Variants in NCKAP5 observed in about 807,000 individuals in gnomAD.
NCKAP5 encodes the protein nck-associated protein 5.
In NCKAP5, 92 loss-of-function variants were observed where a neutral mutation model predicts 167.0. The observed-to-expected ratio is 0.55, with a 90% CI of 0.47 to 0.66. The LOEUF (loss-of-function observed/expected upper bound fraction) is 0.66, where lower values mean the gene tolerates loss of function less well. Among genes scored for constraint, NCKAP5 ranks in the 30% least tolerant of loss-of-function variants. The pLI is 0.00. For missense variants in NCKAP5, 2,378 were observed against 2,315.0 expected, an observed-to-expected ratio of 1.03 and a Z score of -0.56; for synonymous variants, 891 against 877.4, an observed-to-expected ratio of 1.02 and a Z score of -0.27.
chr2:133,543,075 C>T (rs974852009), intron 2 of NCKAP5, among the ~76,000 whole-genome samples: 2 of 152,168 alleles, frequency 1.3e-5, no homozygotes, highest in Admixed American at 6.5e-5. Flanking sequence ...GGAGGGGGGA[C>T]CTAGTGGGAG....
intron 4 of NCKAP5, among the ~76,000 whole-genome samples, chr2:133,273,819 T>TA (rs1030893024): frequency 1.3e-5 from 2 of 150,916 alleles, no homozygotes; most frequent in Non-Finnish European, 3.0e-5. Context: ...TGGGGGAAGA[T>TA]AAAAAAAATT....
At position 132,673,224 on chromosome 2, in the gene NCKAP5, TA is replaced by T. The variant is rs1683966922; in HGVS notation, c.*64del. ...TCTAATAAAATCACAGTATTGCTGTTAAATTTATTGAATGACTCTAGGGAAA... is the reference window on the plus strand; with the variant it reads ...TCTAATAAAATCACAGTATTGCTGTTAATTTATTGAATGACTCTAGGGAAA... On this transcript the variant is annotated 3_prime_UTR_variant, in exon 20 of 20. Transcript: ENST00000409261. The T allele has an allele frequency of 4.1e-6, 6 of 1,476,070 alleles. No individual in the cohort carries two copies. The highest frequency in any genetic ancestry group is 5.4e-6 in the Non-Finnish European group (6 of 1,116,882). The allele number at this position is 1,476,070 out of a possible 1,614,324, so 91.4% of individuals were successfully genotyped here. A position where few individuals can be genotyped will look rare whatever the true frequency, so the allele number is the denominator to read the frequency against.
At chr2:133,314,338 T>C (rs1681454723) in intron 3 of NCKAP5, among the ~76,000 whole-genome samples, 1 of 152,206 alleles carries the variant, frequency 6.6e-6, no homozygotes, top group South Asian at 2.1e-4. Context: ...CTGCTACTTA[T>C]GGCTCCCATC....
chr2:132,739,851 T>G (rs1041264087), intron 16 of NCKAP5, among the ~76,000 whole-genome samples: 1 of 152,182 alleles, frequency 6.6e-6, no homozygotes, highest in African/African-American at 2.4e-5. Context: ...GAGTCTGTGT[T>G]TTTGAGAAAT....
chr2:133,611,783 C>G, the NCKAP5 span, among the ~76,000 whole-genome samples: 2 of 152,176 alleles, frequency 1.3e-5, no homozygotes, highest in African/African-American at 4.8e-5. Flanking sequence ...TATTAAACCC[C>G]CTTCAAATAA....
chr2:133,337,366 C>T (rs148484179), intron 3 of NCKAP5, among the ~76,000 whole-genome samples: 1 of 152,150 alleles, frequency 6.6e-6, no homozygotes, highest in African/African-American at 2.4e-5. Context: ...AAGTAAGTAC[C>T]AAGCTTGTGT....
intron 4 of NCKAP5, among the ~76,000 whole-genome samples, chr2:133,297,199 G>GTA (rs1422426777): frequency 9.2e-4 from 124 of 134,374 alleles, no homozygotes; most frequent in African/African-American, 3.2e-3. Context: ...GTGTGTGTGT[G>GTA]TGTGTGTGTG....
chr2:132,959,011 G>A (rs2076424540), intron 8 of NCKAP5, among the ~76,000 whole-genome samples: 1 of 147,748 alleles, frequency 6.8e-6, no homozygotes, highest in African/African-American at 2.5e-5. Flanking sequence ...TTGGCCCATA[G>A]AAGATATTTA....
the NCKAP5 span, among the ~76,000 whole-genome samples, chr2:133,577,947 C>T: frequency 6.6e-6 from 1 of 152,330 alleles, no homozygotes; most frequent in South Asian, 2.1e-4. Flanking sequence ...AGAAAACCAC[C>T]TAAGACGACC....
intron 9 of NCKAP5, among the ~76,000 whole-genome samples, chr2:132,875,579 G>GC (rs1691201268): frequency 6.6e-6 from 1 of 152,220 alleles, no homozygotes; most frequent in Non-Finnish European, 1.5e-5. Flanking sequence ...CCATTGAAGT[G>GC]CCATGCAGTG....
chr2:132,927,433 G>A (rs1468671824), intron 8 of NCKAP5, among the ~76,000 whole-genome samples: 1 of 151,842 alleles, frequency 6.6e-6, no homozygotes, highest in Non-Finnish European at 1.5e-5. Context: ...GGATTACACT[G>A]AATATACAGA....
chr2:133,081,157 C>T (rs1432524969), intron 6 of NCKAP5, among the ~76,000 whole-genome samples: 1 of 152,026 alleles, frequency 6.6e-6, no homozygotes, highest in Non-Finnish European at 1.5e-5. Context: ...TGTAAAGAAG[C>T]CCTAAAATAC....
intron 19 of NCKAP5, among the ~76,000 whole-genome samples, chr2:132,679,296 G>A (rs190371856): frequency 2.6e-4 from 40 of 152,204 alleles, no homozygotes; most frequent in Non-Finnish European, 4.7e-4. Flanking sequence ...GATTCCAGAG[G>A]GAGACTAGGA....
At chr2:132,731,686 C>T in intron 17 of NCKAP5, 51 bp downstream of exon 17, 14 of 1,508,322 alleles carry the variant, frequency 9.3e-6, no homozygotes, top group Non-Finnish European at 1.2e-5. Context: ...AAAAGTTTCC[C>T]TTTTTTTTGT....
intron 3 of NCKAP5, among the ~76,000 whole-genome samples, chr2:133,444,635 A>C (rs1691082241): frequency 6.6e-6 from 1 of 152,172 alleles, no homozygotes; most frequent in African/African-American, 2.4e-5. Context: ...AAACTCTTAG[A>C]GGTCTCTGTG....
At chr2:132,739,080 C>T (rs1691790311) in intron 16 of NCKAP5, among the ~76,000 whole-genome samples, 1 of 151,974 alleles carries the variant, frequency 6.6e-6, no homozygotes, top group South Asian at 2.1e-4. Flanking sequence ...TAAATAGCTG[C>T]AAAGAAAAAA....
chr2:132,700,932 G>GC (rs112824906), intron 19 of NCKAP5, among the ~76,000 whole-genome samples: 3 of 122,460 alleles, frequency 2.4e-5, no homozygotes, highest in African/African-American at 1.3e-4. Flanking sequence ...CCCCTGGGCG[G>GC]GGGGGGGGGC....
At chr2:133,442,923 G>GC (rs1690950268) in intron 3 of NCKAP5, among the ~76,000 whole-genome samples, 1 of 152,190 alleles carries the variant, frequency 6.6e-6, no homozygotes, top group Admixed American at 6.5e-5. Context: ...CTCTTCAACT[G>GC]CATGTGAATT....
intron 3 of NCKAP5, among the ~76,000 whole-genome samples, chr2:133,475,538 G>T (rs1207412865): frequency 6.6e-6 from 1 of 152,108 alleles, no homozygotes; most frequent in East Asian, 1.9e-4. Flanking sequence ...TCTGTTGAAG[G>T]ATGGAAGAAA....
Sources: allele counts gnomAD v4.1 joint callset (sites outside exome capture counted in the v4.1 genomes callset), GRCh38; gene constraint gnomAD v4.1.1; transcripts MANE v1.5; gene names NCBI Gene and HGNC (gene_info 2026-07-23, HGNC 2026-07-21).